TBC1D9: variants seen among roughly 807,000 people sequenced by gnomAD.
TBC1D9 encodes TBC1 domain family member 9.
In TBC1D9, 63 loss-of-function variants were observed where a neutral mutation model predicts 132.0. The observed-to-expected ratio is 0.48, with a 90% CI of 0.39 to 0.59. The LOEUF (loss-of-function observed/expected upper bound fraction) is 0.59. Among genes scored for constraint, TBC1D9 ranks in the 20% least tolerant of loss-of-function variants. The pLI, the probability that TBC1D9 is intolerant of heterozygous loss-of-function variation, is 0.00. For missense variants in TBC1D9, 1,261 were observed against 1,592.7 expected (o/e 0.79, Z 3.54); for synonymous variants, 610 against 609.9 (o/e 1.00, Z 0.00).
At chr4:140,668,315 C>A (rs1427090222) in intron 9 of TBC1D9, among the ~76,000 whole-genome samples, 1 of 152,226 alleles carries the variant, frequency 6.6e-6, no homozygotes, top group East Asian at 1.9e-4. Context: ...CTCTTCACCA[C>A]TGGTCCATGG....
chr4:140,642,623 A>G, intron 13 of TBC1D9: 1 of 794,940 alleles, frequency 1.3e-6, no homozygotes, highest in Non-Finnish European at 2.1e-6. Flanking sequence ...CAGCTGACTT[A>G]TGAACTTAGA....
intron 13 of TBC1D9, chr4:140,641,858 C>CA (rs1183007769): frequency 3.0e-6 from 1 of 338,684 alleles, no homozygotes; most frequent in Non-Finnish European, 5.6e-6. Context: ...CTCCTCACCC[C>CA]CCATCTCTCC....
At chr4:140,623,653 G>A (rs1360929211) in intron 20 of TBC1D9, among the ~76,000 whole-genome samples, 1 of 152,138 alleles carries the variant, frequency 6.6e-6, no homozygotes, top group Non-Finnish European at 1.5e-5. Flanking sequence ...CAGAAGTAAT[G>A]CTTTAGTGCT....
intron 1 of TBC1D9, among the ~76,000 whole-genome samples, chr4:140,729,693 G>A (rs376477509): frequency 1.3e-4 from 20 of 151,966 alleles, no homozygotes; most frequent in African/African-American, 4.1e-4. Context: ...GGTGGCATGC[G>A]CCTGTAGTCC....
chr4:140,623,807 G>T (rs547794842), intron 20 of TBC1D9, among the ~76,000 whole-genome samples: 36 of 152,302 alleles, frequency 2.4e-4, no homozygotes, highest in Non-Finnish European at 4.1e-4. Flanking sequence ...TAAGCACGGT[G>T]ATCTGAAAAC....
rs547771104 is a variant in TBC1D9, at chr4:140,729,847, C to T, written c.130+26069G>A. Among the ~76,000 whole-genome samples, 129 of 95,700 alleles carry T rather than the reference C, an allele frequency of 1.3e-3. 1 individual carries two copies. Among genetic ancestry groups the T allele is most frequent in the Non-Finnish European group, 2.3e-3 (110 of 47,792 alleles). 62.8% of individuals were successfully genotyped at this position (95,700 alleles called of 152,430 possible). On this transcript the variant is annotated intron_variant, in intron 1 of 20. Coordinates refer to ENST00000442267, the MANE Select transcript of TBC1D9 (RefSeq NM_015130.3). ...AAAAAAAAAAAAAAAAAAAAAAAATCCCCTTGAGTGGTTATTTCATTGAAT... is the reference window on the plus strand; with the variant it reads ...AAAAAAAAAAAAAAAAAAAAAAAATTCCCTTGAGTGGTTATTTCATTGAAT...
In TBC1D9 at chr4:140,647,470, C is replaced by T. The variant is rs188786203; in HGVS notation, c.2338-8042G>A. On this transcript the variant is annotated intron_variant, in intron 13 of 20. Transcript: ENST00000442267. ...CAAATTATTGTTCTTTGACTAATTACCTATGTGAGTGGGCAACTCAGTTGA... is the reference window on the plus strand; with the variant it reads ...CAAATTATTGTTCTTTGACTAATTATCTATGTGAGTGGGCAACTCAGTTGA... Among the ~76,000 whole-genome samples, 16 of 152,238 alleles carry T rather than the reference C, an allele frequency of 1.1e-4. No homozygotes were observed. The East Asian group carries it at 1.7e-3, about 17-fold the overall frequency.
chr4:140,677,873 C>T (rs1235367366), intron 5 of TBC1D9, among the ~76,000 whole-genome samples: 1 of 152,192 alleles, frequency 6.6e-6, no homozygotes, highest in African/African-American at 2.4e-5. Flanking sequence ...CCTTTCCATG[C>T]TTTCTCTACA....
chr4:140,735,571 G>A (rs1162008735), intron 1 of TBC1D9, among the ~76,000 whole-genome samples: 1 of 151,962 alleles, frequency 6.6e-6, no homozygotes, highest in African/African-American at 2.4e-5. Context: ...AAATTAGCCG[G>A]GCATCATGTA....
At chr4:140,676,118 G>A (rs927190955) in intron 6 of TBC1D9, among the ~76,000 whole-genome samples, 1 of 152,102 alleles carries the variant, frequency 6.6e-6, no homozygotes, top group Non-Finnish European at 1.5e-5. Flanking sequence ...CACCAAAATT[G>A]TTCCAATTAT....
At chr4:140,712,748 AATAGATAGATAGATAG>A (rs58318321) in intron 1 of TBC1D9, among the ~76,000 whole-genome samples, 4 of 146,380 alleles carry the variant, frequency 2.7e-5, no homozygotes, top group Non-Finnish European at 4.5e-5. Context: ...ATCTCAAAAA[AATAGATAGATAGATAG>A]ATAGATAGAT....
intron 1 of TBC1D9, among the ~76,000 whole-genome samples, chr4:140,721,661 A>G (rs922986807): frequency 6.6e-6 from 1 of 152,028 alleles, no homozygotes; most frequent in African/African-American, 2.4e-5. Context: ...CATCCTTCCC[A>G]TTTTCATTAT....
At chr4:140,719,421 C>T (rs1025557405) in intron 1 of TBC1D9, among the ~76,000 whole-genome samples, 1 of 152,172 alleles carries the variant, frequency 6.6e-6, no homozygotes, top group African/African-American at 2.4e-5. Context: ...GAAGGAGCGT[C>T]AAGACATAAA....
chr4:140,713,780 T>A (rs1451392694), intron 1 of TBC1D9, among the ~76,000 whole-genome samples: 3 of 151,788 alleles, frequency 2.0e-5, no homozygotes, highest in Non-Finnish European at 4.4e-5. Context: ...TTTAAAGTAA[T>A]TTCTATACTA....
chr4:140,659,654 C>CT lies in TBC1D9; in HGVS notation c.1854dup (p.Ala619SerfsTer10). ...CACAAAGCCACAAGCAGCCAGAAAG[C>CT]TTCCTCCTCTTTGGCATAAAGCAGC... On this transcript the variant is annotated frameshift_variant, in exon 11 of 21. Transcript: ENST00000442267. LOFTEE classifies it high-confidence loss of function. 6.2e-7 allele frequency: 1 copy of CT among 1,608,038 alleles called. No homozygotes were observed. The highest frequency in any genetic ancestry group is 8.5e-7 in the Non-Finnish European group (1 of 1,177,326).
chr4:140,645,127 T>C (rs568190236), intron 13 of TBC1D9: 13 of 562,042 alleles, frequency 2.3e-5, no homozygotes, highest in Admixed American at 4.5e-5. Context: ...GCACAGCTGG[T>C]AGGGTGCACG....
At chr4:140,747,163 C>T (rs1368400187) in intron 1 of TBC1D9, among the ~76,000 whole-genome samples, 3 of 151,942 alleles carry the variant, frequency 2.0e-5, no homozygotes, top group African/African-American at 4.8e-5. Context: ...GCCTGGCCAA[C>T]GTGGTGAAAG....
chr4:140,752,385 T>C (rs567013283), intron 1 of TBC1D9, among the ~76,000 whole-genome samples: 3 of 151,634 alleles, frequency 2.0e-5, no homozygotes, highest in South Asian at 2.1e-4. Flanking sequence ...AACCAAAATA[T>C]AGTGTTTAGG....
In TBC1D9 at chr4:140,676,919, CA is replaced by C; in HGVS notation, c.1033del (p.Cys345ValfsTer10). On this transcript the variant is annotated frameshift_variant, in exon 6 of 21. Transcript: ENST00000442267. LOFTEE classifies it high-confidence loss of function. ...ICFTSKEENL[C>X]SLIIPLREVT... ...CTCACGGAGCGGGATAATGAGGCTACATAAGTTCTCCTCCTTGCTGGTAAAA... is the reference window on the plus strand; with the variant it reads ...CTCACGGAGCGGGATAATGAGGCTACTAAGTTCTCCTCCTTGCTGGTAAAA... 1 of 1,613,946 alleles carries C rather than the reference CA, an allele frequency of 6.2e-7. No homozygotes were observed. The highest frequency in any genetic ancestry group is 8.5e-7 in the Non-Finnish European group (1 of 1,179,850).
Sources: allele counts gnomAD v4.1 joint callset (sites outside exome capture counted in the v4.1 genomes callset), GRCh38; gene constraint gnomAD v4.1.1; transcripts MANE v1.5; gene names NCBI Gene and HGNC (gene_info 2026-07-23, HGNC 2026-07-21).